Variants in FAM174A observed in about 807,000 individuals in gnomAD.
The protein encoded by FAM174A is family with sequence similarity 174 member A.
A neutral mutation model predicts 14.3 loss-of-function variants in FAM174A; 14 were observed. The ratio of observed to expected loss-of-function variants is 0.98; its 90% CI spans 0.65 to 1.53. FAM174A has a LOEUF of 1.53. Among genes scored for constraint, FAM174A ranks in the 40% most tolerant of loss-of-function variants. FAM174A has a pLI of 0.00. For synonymous variants in FAM174A, 108 were observed against 111.4 expected (o/e 0.97, Z 0.19); for missense variants, 241 against 249.6 (o/e 0.97, Z 0.23).
In FAM174A at chr5:100,552,920, G is replaced by A. The variant is rs374732494; in HGVS notation, c.435-9134G>A. ...AACCATATAGCTTTTTTCTTTTGCC[G>A]GCTTAGGCTTCCATACTTTCCTCTG... On this transcript the variant is annotated intron_variant, in intron 1 of 2. Transcript: ENST00000312637. 1.3e-4 allele frequency among the ~76,000 whole-genome samples: 20 copies of A among 151,930 alleles called. No homozygotes were observed. The East Asian group carries it at 2.7e-3, about 21-fold the overall frequency.
chr5:100,557,804 T>A (rs573969844), intron 1 of FAM174A, among the ~76,000 whole-genome samples: 1 of 152,340 alleles, frequency 6.6e-6, no homozygotes, highest in South Asian at 2.1e-4. Context: ...CATTTTTTAT[T>A]GCATCTGTTT....
At chr5:100,554,347 C>T (rs1354707778) in intron 1 of FAM174A, among the ~76,000 whole-genome samples, 7 of 118,196 alleles carry the variant, frequency 5.9e-5, no homozygotes, top group East Asian at 5.6e-4. Context: ...ACAGAGTCTT[C>T]ACTCTGTCGC....
At chr5:100,577,460 C>T (rs1015824471) in intron 2 of FAM174A, among the ~76,000 whole-genome samples, 1 of 151,888 alleles carries the variant, frequency 6.6e-6, no homozygotes, top group Non-Finnish European at 1.5e-5. Context: ...GTGCTCAATG[C>T]GATACTTGGC....
At chr5:100,573,581 C>G (rs957497988) in intron 2 of FAM174A, among the ~76,000 whole-genome samples, 1 of 151,588 alleles carries the variant, frequency 6.6e-6, no homozygotes, top group African/African-American at 2.4e-5. Context: ...AAAGAGGATA[C>G]AAACAAATGG....
At chr5:100,580,294 G>T (rs941198466) in intron 2 of FAM174A, among the ~76,000 whole-genome samples, 2 of 152,254 alleles carry the variant, frequency 1.3e-5, no homozygotes, top group Admixed American at 1.3e-4. Context: ...CTGAAATATA[G>T]TACCGTTCAT....
chr5:100,550,560 TG>T (rs529028092), intron 1 of FAM174A, among the ~76,000 whole-genome samples: 1 of 152,264 alleles, frequency 6.6e-6, no homozygotes, highest in East Asian at 1.9e-4. Flanking sequence ...GTGGCTACTG[TG>T]GTGAGTAAGA....
At chr5:100,565,352 C>G (rs1746620882) in intron 2 of FAM174A, among the ~76,000 whole-genome samples, 3 of 151,684 alleles carry the variant, frequency 2.0e-5, no homozygotes. Context: ...TCTGCACAGC[C>G]AAGTAGATAA....
intron 2 of FAM174A, among the ~76,000 whole-genome samples, chr5:100,578,938 A>G (rs1404433667): frequency 6.6e-6 from 1 of 151,304 alleles, no homozygotes; most frequent in African/African-American, 2.4e-5. Flanking sequence ...AATGTGCTGC[A>G]TACCTATTTC....
At chr5:100,555,993 T>G (rs962062071) in intron 1 of FAM174A, among the ~76,000 whole-genome samples, 18 of 152,194 alleles carry the variant, frequency 1.2e-4, no homozygotes, top group African/African-American at 4.1e-4. Context: ...TTGCTTTTGG[T>G]GTTTTCGACA....
chr5:100,570,806 T>A (rs1175746964), intron 2 of FAM174A, among the ~76,000 whole-genome samples: 1 of 151,938 alleles, frequency 6.6e-6, no homozygotes, highest in Non-Finnish European at 1.5e-5. Flanking sequence ...TGCCCCAATA[T>A]TAAGTAGGTT....
At chr5:100,546,057 G>A (rs1746158234) in intron 1 of FAM174A, among the ~76,000 whole-genome samples, 1 of 152,146 alleles carries the variant, frequency 6.6e-6, no homozygotes, top group Non-Finnish European at 1.5e-5. Flanking sequence ...GATAGTACAA[G>A]CTACAGTTGA....
intron 1 of FAM174A, among the ~76,000 whole-genome samples, chr5:100,554,922 C>T (rs560350558): frequency 2.6e-5 from 4 of 151,642 alleles, no homozygotes; most frequent in Non-Finnish European, 5.9e-5. Context: ...GGATGGGTTG[C>T]GTAGCTTCTT....
At chr5:100,542,420 C>T (rs1445326731) in intron 1 of FAM174A, among the ~76,000 whole-genome samples, 2 of 152,212 alleles carry the variant, frequency 1.3e-5, no homozygotes, top group African/African-American at 4.8e-5. Context: ...GCTTACCATT[C>T]ACATACAGTC....
At chr5:100,566,713 T>C (rs149485279) in intron 2 of FAM174A, among the ~76,000 whole-genome samples, 91 of 151,904 alleles carry the variant, frequency 6.0e-4, no homozygotes, top group African/African-American at 1.9e-3. Flanking sequence ...AACATTAAGG[T>C]AAACACCTTA....
intron 2 of FAM174A, among the ~76,000 whole-genome samples, chr5:100,581,678 C>T (rs1025094943): frequency 1.3e-5 from 2 of 152,116 alleles, no homozygotes; most frequent in African/African-American, 2.4e-5. Context: ...TACATTTGGT[C>T]GTGGTTGAGT....
intron 1 of FAM174A, among the ~76,000 whole-genome samples, chr5:100,543,131 T>C (rs966938777): frequency 1.3e-5 from 2 of 152,066 alleles, no homozygotes; most frequent in Non-Finnish European, 2.9e-5. Context: ...AAAATTCCAG[T>C]CCATTAGATA....
At position 100,562,182 on chromosome 5, in the gene FAM174A, C is replaced by T; in HGVS notation, c.563C>T (p.Pro188Leu). ...DDNTLFDANH[P>L]RR ...AACACGTTGTTTGATGCCAATCATC[C>T]TCGAAGGTAAGTATTCCAGTAGTTT... is the stretch of plus-strand genomic sequence containing the variant. The change falls in exon 2 of 3, where the codon CCT becomes CTT. Residue 188 changes from proline (P) to leucine (L), a missense_variant. Transcript: ENST00000312637. 1 of 1,574,174 alleles carries T rather than the reference C, an allele frequency of 6.4e-7. No homozygotes were observed. The highest frequency in any genetic ancestry group is 1.2e-5 in the South Asian group (1 of 85,492).
At chr5:100,550,277 T>C (rs527759034) in intron 1 of FAM174A, among the ~76,000 whole-genome samples, 1 of 152,260 alleles carries the variant, frequency 6.6e-6, no homozygotes, top group African/African-American at 2.4e-5. Flanking sequence ...GTACTTTATT[T>C]TTTTGTCCTG....
chr5:100,535,407 C>T lies in FAM174A; in HGVS notation c.-124C>T, dbSNP rs1561309499. On this transcript the variant is annotated 5_prime_UTR_variant, in exon 1 of 3. It adds an upstream start codon to the 5' untranslated region. Coordinates refer to ENST00000312637, the MANE Select transcript of FAM174A (RefSeq NM_198507.3). Reference sequence around the variant, plus strand: ...CTGCTGTAGCTTCTGCCACCTGCCACGACCGGGCCTCTCCCTGGCGTTTGG... The same window carrying T: ...CTGCTGTAGCTTCTGCCACCTGCCATGACCGGGCCTCTCCCTGGCGTTTGG... 9.5e-7 allele frequency: 1 copy of T among 1,049,436 alleles called. No individual in the cohort carries two copies. The highest frequency in any genetic ancestry group is 2.4e-5 in the East Asian group (1 of 41,390). The allele number at this position is 1,049,436 out of a possible 1,614,324, so 65.0% of individuals were successfully genotyped here. A position where few individuals can be genotyped will look rare whatever the true frequency, so the allele number is the denominator to read the frequency against.
Sources: gnomAD v4.1 joint callset for allele counts (sites outside exome capture counted in the v4.1 genomes callset) on GRCh38, gnomAD v4.1.1 for gene constraint, MANE v1.5 for transcripts, NCBI Gene and HGNC (gene_info 2026-07-23, HGNC 2026-07-21) for gene names.